Variants in EP300 observed in about 807,000 individuals in gnomAD.
EP300 encodes the protein histone acetyltransferase p300.
EP300 carries 31 observed loss-of-function variants against 264.0 expected under a neutral mutation model. That is an observed-to-expected ratio of 0.12 (90% CI 0.09 to 0.16). The LOEUF (loss-of-function observed/expected upper bound fraction) is 0.16, where lower values mean the gene tolerates loss of function less well. Among genes scored for constraint, EP300 ranks in the 10% least tolerant of loss-of-function variants. The pLI is 1.00. For missense variants in EP300, 2,766 were observed against 3,052.9 expected, an observed-to-expected ratio of 0.91 and a Z score of 2.21; for synonymous variants, 1,340 against 1,045.4, an observed-to-expected ratio of 1.28 and a Z score of -5.44.
At chr22:41,112,051 C>G (rs1452024219) in intron 1 of EP300, among the ~76,000 whole-genome samples, 1 of 151,722 alleles carries the variant, frequency 6.6e-6, no homozygotes. Context: ...CCGCGCCCAG[C>G]TAATTTTTTG....
chr22:41,166,508 T>C (rs2145759157), intron 22 of EP300, 91 bp from the exon 23 acceptor site: 1 of 993,074 alleles, frequency 1.0e-6, no homozygotes, highest in Non-Finnish European at 1.6e-6. Context: ...GAAATACTTC[T>C]GCTAGATTGT....
At position 41,179,533 on chromosome 22, in the gene EP300, TAAA is replaced by T. The variant is rs60283061; in HGVS notation, c.*590_*592del. 3.0e-5 allele frequency: 5 copies of T among 165,162 alleles called. No individual in the cohort carries two copies. The highest frequency in any genetic ancestry group is 7.8e-5 in the African/African-American group (3 of 38,488). 10.2% of individuals were successfully genotyped at this position (165,162 alleles called of 1,614,324 possible). ...GATGTTCATTCTTTTAAAAAATGTT[TAAA>T]AAAAAAAAAAAACTGCCTTTCTTCC... On this transcript the variant is annotated 3_prime_UTR_variant, in exon 31 of 31. Coordinates refer to ENST00000263253, the MANE Select transcript of EP300 (RefSeq NM_001429.4).
intron 7 of EP300, 140 bp from the exon 8 acceptor site, chr22:41,137,513 T>G (rs962089202): frequency 2.7e-6 from 3 of 1,120,316 alleles, no homozygotes; most frequent in African/African-American, 3.1e-5. Context: ...AGTCACACAC[T>G]TCTCCCTGCC....
intron 4 of EP300, among the ~76,000 whole-genome samples, chr22:41,128,967 T>C (rs1170264871): frequency 6.6e-6 from 1 of 152,146 alleles, no homozygotes; most frequent in Non-Finnish European, 1.5e-5. Context: ...AAATCAATTT[T>C]GAGACTCCTT....
chr22:41,117,578 C>T lies in EP300; in HGVS notation c.486C>T (p.Ala162=). 1 of 1,614,194 alleles carries T rather than the reference C, an allele frequency of 6.2e-7. No homozygotes were observed. Among genetic ancestry groups the T allele is most frequent in the South Asian group, 1.1e-5 (1 of 91,084 alleles). The change falls in exon 2 of 31, where the codon GCC becomes GCT. Residue 162 remains alanine, a synonymous_variant. Transcript: ENST00000263253. ...TGAACAGTCCAGTAAATCAGCCTGC[C>T]ATGGGAATGAACACAGGGATGAATG... is the stretch of plus-strand genomic sequence containing the variant. ...GMMNSPVNQP[A]MGMNTGMNAG...
chr22:41,147,255 G>A (rs964162112), intron 11 of EP300, among the ~76,000 whole-genome samples: 5 of 150,596 alleles, frequency 3.3e-5, no homozygotes, highest in African/African-American at 9.8e-5. Context: ...GCAGTGAGGC[G>A]AGATCGCGCC....
chr22:41,125,086 A>G (rs918689194), intron 2 of EP300, among the ~76,000 whole-genome samples: 2 of 144,642 alleles, frequency 1.4e-5, no homozygotes, highest in South Asian at 2.2e-4. Context: ...CCACAGGCAC[A>G]TGCCACCACA....
At chr22:41,096,163 A>G (rs1286588695) in intron 1 of EP300, among the ~76,000 whole-genome samples, 1 of 149,074 alleles carries the variant, frequency 6.7e-6, no homozygotes, top group Non-Finnish European at 1.5e-5. Context: ...CTCTCCCTCC[A>G]AAAAAAAAAG....
intron 2 of EP300, among the ~76,000 whole-genome samples, chr22:41,119,924 C>T (rs887436166): frequency 2.6e-5 from 4 of 152,148 alleles, no homozygotes; most frequent in Admixed American, 6.5e-5. Flanking sequence ...AGGCAGTTCT[C>T]CTGCCTCAGG....
intron 2 of EP300, among the ~76,000 whole-genome samples, chr22:41,118,698 GTAA>G (rs1569091058): frequency 6.6e-6 from 1 of 152,110 alleles, no homozygotes; most frequent in East Asian, 1.9e-4. Flanking sequence ...GCTCATGCCT[GTAA>G]TCCCAGCACT....
At chr22:41,157,919 A>G (rs2059086442) in intron 18 of EP300, among the ~76,000 whole-genome samples, 1 of 152,222 alleles carries the variant, frequency 6.6e-6, no homozygotes, top group Admixed American at 6.5e-5. Flanking sequence ...AATTGTATGG[A>G]AAAGTTGACT....
At position 41,178,730 on chromosome 22, in the gene EP300, TTTCCCCACAGACAAG is replaced by T. The variant is rs760168239; in HGVS notation, c.7029_7043del (p.Gln2343_Pro2347del). On this transcript the variant is annotated inframe_deletion, in exon 31 of 31. Transcript: ENST00000263253. ...CAGCCTCAGCCTTCTCCACACCACG[TTTCCCCACAGACAAG>T]TTCCCCACATCCTGGACTGGTAGCT... The T allele has an allele frequency of 1.2e-6, 2 of 1,613,980 alleles. No individual in the cohort carries two copies. Among genetic ancestry groups the T allele is most frequent in the Non-Finnish European group, 1.7e-6 (2 of 1,179,972 alleles).
chr22:41,094,926 A>G (rs542997751), intron 1 of EP300, among the ~76,000 whole-genome samples: 14 of 152,268 alleles, frequency 9.2e-5, no homozygotes, highest in Non-Finnish European at 1.8e-4. Flanking sequence ...CTGTTTTGCT[A>G]CTTGAAATAT....
In EP300 at chr22:41,126,021, G is replaced by A. The variant is rs2145708053; in HGVS notation, c.887G>A (p.Gly296Asp). The A allele has an allele frequency of 1.2e-6, 2 of 1,614,158 alleles. No individual in the cohort carries two copies. The highest frequency in any genetic ancestry group is 1.7e-6 in the Non-Finnish European group (2 of 1,180,036). Reference sequence around the variant, plus strand: ...GCTATGGACAAAAAGGCAGTTCCTGGTGGAGGAATGCCCAACATGGTGAGT... The same window carrying A: ...GCTATGGACAAAAAGGCAGTTCCTGATGGAGGAATGCCCAACATGGTGAGT... ...PFAMDKKAVP[G>D]GGMPNMGQQP... The change falls in exon 3 of 31, where the codon GGT (glycine) becomes GAT (aspartate). Residue 296 changes from glycine (G) to aspartate (D), a missense_variant. Physicochemically the swap from Gly to Asp is moderately conservative, Grantham distance 94 (BLOSUM62 -1). Transcript: ENST00000263253.
In EP300 at chr22:41,178,874, C is replaced by G. The variant is rs1180547319; in HGVS notation, c.7163C>G (p.Ala2388Gly). Residue 2388 changes from alanine (A) to glycine (G), a missense_variant, in exon 31 of 31, where the codon GCA (alanine) becomes GGA (glycine). By Grantham distance (60) the Ala-to-Gly change is moderately conservative. Transcript: ENST00000263253. ...CCAGGCATGGCAAACCTCCATGGTGCAAGCGCCACGGACCTGGGACTCAGC... is the reference window on the plus strand; with the variant it reads ...CCAGGCATGGCAAACCTCCATGGTGGAAGCGCCACGGACCTGGGACTCAGC... ...SNPGMANLHG[A>G]SATDLGLSTD... 6.2e-7 allele frequency: 1 copy of G among 1,614,194 alleles called. No homozygotes were observed. Among genetic ancestry groups the G allele is most frequent in the East Asian group, 2.2e-5 (1 of 44,880 alleles).
intron 10 of EP300, among the ~76,000 whole-genome samples, chr22:41,144,986 A>G (rs1041889723): frequency 6.6e-6 from 1 of 152,178 alleles, no homozygotes; most frequent in Admixed American, 6.5e-5. Flanking sequence ...TGACTCTAGA[A>G]GAGCTGTGTT....
At position 41,177,385 on chromosome 22, in the gene EP300, G is replaced by A. The variant is rs778217143; in HGVS notation, c.5674G>A (p.Ala1892Thr). The A allele has an allele frequency of 7.4e-6, 12 of 1,613,932 alleles. No individual in the cohort carries two copies. The African/African-American group carries it at 1.3e-4, about 18-fold the overall frequency. Residue 1892 changes from alanine (A) to threonine (T), a missense_variant, in exon 31 of 31, where the codon GCT becomes ACT. Ala to Thr is a moderately conservative substitution (Grantham distance 58, BLOSUM62 0). Transcript: ENST00000263253. ...GCCACCCTACTTGCCCAGGACTCAA[G>A]CTGCTGGCCCTGTGTCCCAGGGTAA... ...SMPPYLPRTQ[A>T]AGPVSQGKAA...
At chr22:41,148,160 A>T (rs753027181) in intron 12 of EP300, among the ~76,000 whole-genome samples, 1 of 152,206 alleles carries the variant, frequency 6.6e-6, no homozygotes, top group African/African-American at 2.4e-5. Context: ...AGTGGCCTGC[A>T]TGCGTTTTCA....
intron 1 of EP300, among the ~76,000 whole-genome samples, chr22:41,097,365 AG>A (rs2058707918): frequency 6.6e-6 from 1 of 152,112 alleles, no homozygotes; most frequent in South Asian, 2.1e-4. Flanking sequence ...GATAATAGGG[AG>A]GAGGGAGGAA....
Sources: allele counts gnomAD v4.1 joint callset (sites outside exome capture counted in the v4.1 genomes callset), GRCh38; gene constraint gnomAD v4.1.1; transcripts MANE v1.5; gene names NCBI Gene and HGNC (gene_info 2026-07-23, HGNC 2026-07-21).